ATRNL1: variants seen among roughly 807,000 people sequenced by gnomAD.
The protein encoded by ATRNL1 is attractin like 1.
In ATRNL1, 95 loss-of-function variants were observed where a neutral mutation model predicts 182.7. The ratio of observed to expected loss-of-function variants is 0.52; its 90% CI spans 0.44 to 0.62. The LOEUF is 0.62. Ranked by LOEUF, ATRNL1 falls within the 20% of genes least tolerant of loss-of-function variation. The pLI is 0.00. For missense variants in ATRNL1, 1,471 were observed against 1,679.5 expected, an observed-to-expected ratio of 0.88 and a Z score of 2.17; for synonymous variants, 576 against 568.3, an observed-to-expected ratio of 1.01 and a Z score of -0.19.
At chr10:115,147,620 T>C (rs539149921) in intron 5 of ATRNL1, among the ~76,000 whole-genome samples, 6 of 152,300 alleles carry the variant, frequency 3.9e-5, no homozygotes, top group South Asian at 4.1e-4. Flanking sequence ...TTTAAGTCTT[T>C]AATCCATTTT....
At chr10:115,435,977 A>G (rs190955335) in intron 21 of ATRNL1, among the ~76,000 whole-genome samples, 328 of 152,290 alleles carry the variant, frequency 2.2e-3, no homozygotes, top group Non-Finnish European at 3.5e-3. Flanking sequence ...ACATAAGTGA[A>G]TATACATTTA....
intron 19 of ATRNL1, among the ~76,000 whole-genome samples, chr10:115,365,537 T>C (rs1350308954): frequency 1.3e-5 from 2 of 152,158 alleles, no homozygotes; most frequent in African/African-American, 2.4e-5. Flanking sequence ...CTGCTCTGAT[T>C]TTAGTTATTT....
chr10:115,778,851 G>A (rs782416762), intron 27 of ATRNL1, among the ~76,000 whole-genome samples: 22 of 152,160 alleles, frequency 1.4e-4, no homozygotes, highest in Non-Finnish European at 2.4e-4. Flanking sequence ...CAATGAGGAC[G>A]TGAACCAAGG....
At chr10:115,908,419 T>G (rs551165627) in intron 28 of ATRNL1, among the ~76,000 whole-genome samples, 1 of 152,208 alleles carries the variant, frequency 6.6e-6, no homozygotes, top group African/African-American at 2.4e-5. Flanking sequence ...TTCCTGCATC[T>G]TCAAAACTAG....
At chr10:115,649,092 A>G (rs912634305) in intron 26 of ATRNL1, among the ~76,000 whole-genome samples, 1 of 152,166 alleles carries the variant, frequency 6.6e-6, no homozygotes, top group Admixed American at 6.6e-5. Context: ...TTAAAATTAT[A>G]TGATATTTGA....
Position 115,334,388 on chromosome 10 carries a change from T to C in ATRNL1, c.3144T>C (p.Tyr1048=), listed in dbSNP as rs782666109. Residue 1048 remains tyrosine, a synonymous_variant, in exon 19 of 29, where the codon TAT becomes TAC. Coordinates refer to ENST00000355044, the MANE Select transcript of ATRNL1 (RefSeq NM_207303.4). The stretch of plus-strand genomic sequence containing the variant: ...GTCAAGATTGTATGCCAGGTTATTA[T>C]GGAGATCCAACCAATGGTGGACAGT... ...KQCQDCMPGY[Y]GDPTNGGQCT... is the part of the protein sequence containing the mutation. 1.2e-6 allele frequency: 2 copies of C among 1,604,630 alleles called. No homozygotes were observed. Among genetic ancestry groups the C allele is most frequent in the Non-Finnish European group, 1.7e-6 (2 of 1,173,618 alleles).
At chr10:115,900,875 A>G (rs1952332049) in intron 28 of ATRNL1, among the ~76,000 whole-genome samples, 1 of 152,248 alleles carries the variant, frequency 6.6e-6, no homozygotes, top group Non-Finnish European at 1.5e-5. Flanking sequence ...TTAAAGGGTC[A>G]TTTTACGGAA....
intron 14 of ATRNL1, among the ~76,000 whole-genome samples, chr10:115,282,402 T>C (rs1335246143): frequency 6.6e-6 from 1 of 150,920 alleles, no homozygotes; most frequent in Non-Finnish European, 1.5e-5. Flanking sequence ...ATGCTATCCC[T>C]CCCCCCTCTC....
chr10:115,145,705 A>G (rs554897603), intron 5 of ATRNL1, among the ~76,000 whole-genome samples: 9 of 152,312 alleles, frequency 5.9e-5, no homozygotes, highest in Non-Finnish European at 1.2e-4. Context: ...CAGATTCAGT[A>G]CATACTAAAT....
intron 26 of ATRNL1, among the ~76,000 whole-genome samples, chr10:115,687,476 A>G (rs1456186952): frequency 6.6e-6 from 1 of 152,070 alleles, no homozygotes; most frequent in Non-Finnish European, 1.5e-5. Context: ...GTAATATTCC[A>G]TTGTATGTAT....
At chr10:115,317,709 T>A (rs1361794627) in intron 18 of ATRNL1, among the ~76,000 whole-genome samples, 3 of 152,148 alleles carry the variant, frequency 2.0e-5, no homozygotes, top group Non-Finnish European at 4.4e-5. Flanking sequence ...GTATTGTTGG[T>A]GTAAAGGAAT....
At chr10:115,277,763 G>A (rs1852168816) in intron 13 of ATRNL1, among the ~76,000 whole-genome samples, 2 of 152,010 alleles carry the variant, frequency 1.3e-5, no homozygotes, top group African/African-American at 4.8e-5. Context: ...TATATGTAAG[G>A]AACCACCATC....
At chr10:115,631,473 G>A (rs2133831338) in intron 26 of ATRNL1, among the ~76,000 whole-genome samples, 1 of 152,066 alleles carries the variant, frequency 6.6e-6, no homozygotes, top group East Asian at 1.9e-4. Flanking sequence ...GAAATAGAAA[G>A]ACAATGTATG....
At chr10:115,628,078 C>T (rs1351833799) in intron 26 of ATRNL1, among the ~76,000 whole-genome samples, 5 of 149,000 alleles carry the variant, frequency 3.4e-5, no homozygotes, top group Admixed American at 6.8e-5. Context: ...ACCCGGGAGG[C>T]GGAGGTTACA....
At chr10:115,534,700 C>G (rs1382157851) in intron 25 of ATRNL1, among the ~76,000 whole-genome samples, 1 of 152,014 alleles carries the variant, frequency 6.6e-6, no homozygotes, top group Non-Finnish European at 1.5e-5. Context: ...TCTTCCTAGT[C>G]TCGATGGTCT....
intron 26 of ATRNL1, among the ~76,000 whole-genome samples, chr10:115,552,846 G>T (rs534528564): frequency 6.6e-6 from 1 of 151,226 alleles, no homozygotes; most frequent in South Asian, 2.1e-4. Context: ...TTTGGGATGC[G>T]CTAATGAATG....
chr10:115,329,804 T>A (rs1855115911), intron 18 of ATRNL1, among the ~76,000 whole-genome samples: 1 of 152,146 alleles, frequency 6.6e-6, no homozygotes, highest in African/African-American at 2.4e-5. Context: ...CAGTATGTAG[T>A]TGGGTCTTGT....
At chr10:115,473,526 A>G (rs1848400099) in intron 24 of ATRNL1, among the ~76,000 whole-genome samples, 2 of 151,224 alleles carry the variant, frequency 1.3e-5, no homozygotes, top group African/African-American at 4.8e-5. Context: ...CTGAAATGCC[A>G]TTGATTTTCT....
intron 20 of ATRNL1, among the ~76,000 whole-genome samples, chr10:115,417,210 G>A (rs971580352): frequency 6.6e-6 from 1 of 152,138 alleles, no homozygotes; most frequent in Admixed American, 6.5e-5. Flanking sequence ...TCTTCTAAGG[G>A]GTCTAGGAGC....
Sources: gnomAD v4.1 joint callset for allele counts (sites outside exome capture counted in the v4.1 genomes callset) on GRCh38, gnomAD v4.1.1 for gene constraint, MANE v1.5 for transcripts, NCBI Gene and HGNC (gene_info 2026-07-23, HGNC 2026-07-21) for gene names.